CACNB2: variants seen among roughly 807,000 people sequenced by gnomAD.
CACNB2 encodes the protein voltage-dependent L-type calcium channel subunit beta-2.
In CACNB2, 42 loss-of-function variants were observed where a neutral mutation model predicts 73.3. The ratio of observed to expected loss-of-function variants is 0.57; its 90% CI spans 0.45 to 0.74. The LOEUF is 0.74. Among genes scored for constraint, CACNB2 ranks in the 30% least tolerant of loss-of-function variants. CACNB2 has a pLI of 0.00. For missense variants in CACNB2, 940 were observed against 853.0 expected (o/e 1.10, Z -1.27); for synonymous variants, 348 against 310.3 (o/e 1.12, Z -1.28).
At chr10:18,519,836 T>C in intron 9 of CACNB2, 1 of 421,988 alleles carries the variant, frequency 2.4e-6, no homozygotes, top group South Asian at 1.7e-5. Context: ...ACCCATGACC[T>C]TCACATTGCT....
At chr10:18,292,476 T>G (rs948203068) in intron 2 of CACNB2, among the ~76,000 whole-genome samples, 1 of 152,064 alleles carries the variant, frequency 6.6e-6, no homozygotes, top group South Asian at 2.1e-4. Flanking sequence ...GCCAATATGG[T>G]AAAACCCCGT....
intron 2 of CACNB2, among the ~76,000 whole-genome samples, chr10:18,246,449 C>T (rs1004501393): frequency 3.9e-5 from 6 of 152,154 alleles, no homozygotes; most frequent in Admixed American, 3.3e-4. Context: ...TCCTCTGTTA[C>T]ATAAATGAGG....
At chr10:18,523,809 AATC>A (rs1434343908) in intron 9 of CACNB2, among the ~76,000 whole-genome samples, 1 of 152,256 alleles carries the variant, frequency 6.6e-6, no homozygotes, top group Non-Finnish European at 1.5e-5. Flanking sequence ...ATTATTCCTT[AATC>A]ATCTATTAAA....
chr10:18,463,584 GTTTTT>G (rs869153577), intron 3 of CACNB2, among the ~76,000 whole-genome samples: 1 of 93,284 alleles, frequency 1.1e-5, no homozygotes, highest in Non-Finnish European at 2.9e-5. Context: ...CCTGCTAGTT[GTTTTT>G]TTTTTGTTGT....
In CACNB2 at chr10:18,534,246, G is replaced by C; in HGVS notation, c.1206+19G>C. 1 of 1,600,456 alleles carries C rather than the reference G, an allele frequency of 6.2e-7. No individual in the cohort carries two copies. The highest frequency in any genetic ancestry group is 8.6e-7 in the Non-Finnish European group (1 of 1,167,674). ...TCCTAAGGTAAGTAGGACTGCTACTGTTTGCTCTATAATCAAACTTTCCTA... is the reference window on the plus strand; with the variant it reads ...TCCTAAGGTAAGTAGGACTGCTACTCTTTGCTCTATAATCAAACTTTCCTA... On this transcript the variant is annotated intron_variant, in intron 11 of 13. Coordinates refer to ENST00000324631, the MANE Select transcript of CACNB2 (RefSeq NM_201596.3).
intron 2 of CACNB2, among the ~76,000 whole-genome samples, chr10:18,217,216 G>A (rs573466242): frequency 2.0e-5 from 3 of 152,240 alleles, no homozygotes; most frequent in South Asian, 2.1e-4. Context: ...GTGCAAGCTG[G>A]CTCACACCTG....
chr10:18,216,471 G>A (rs923045689), intron 2 of CACNB2, among the ~76,000 whole-genome samples: 15 of 151,972 alleles, frequency 9.9e-5, no homozygotes, highest in Admixed American at 5.9e-4. Flanking sequence ...TATTATGAGT[G>A]GACATATCCC....
In CACNB2 at chr10:18,388,008, C is replaced by T. The variant is rs554779700; in HGVS notation, c.214-13916C>T. 1.7e-4 allele frequency among the ~76,000 whole-genome samples: 26 copies of T among 152,270 alleles called. No homozygotes were observed. In the South Asian group the frequency reaches 1.9e-3, roughly 11 times the overall value. On this transcript the variant is annotated intron_variant, in intron 2 of 13. Coordinates refer to ENST00000324631, the MANE Select transcript of CACNB2 (RefSeq NM_201596.3). ...CCGAGCTCAAGCAATCCTCCTGCCT[C>T]GGCCTCCCAATATGCTGGGATTATA...
intron 4 of CACNB2, among the ~76,000 whole-genome samples, chr10:18,499,118 T>G (rs915374184): frequency 7.9e-5 from 12 of 152,216 alleles, no homozygotes; most frequent in Admixed American, 5.2e-4. Context: ...AATGCCTGCC[T>G]TGTGGAGCAC....
At position 18,402,009 on chromosome 10, in the gene CACNB2, A is replaced by G. The variant is rs762313820; in HGVS notation, c.299A>G (p.Glu100Gly). 2 of 1,614,006 alleles carry G rather than the reference A, an allele frequency of 1.2e-6. No individual in the cohort carries two copies. ...CGGGAGGCAGTGCGCAGAGAAGCGG[A>G]GCGGCAGGCCCAGGCACAGTTGGAA... The part of the protein sequence containing the change: ...EDREAVRREA[E>G]RQAQAQLEKA... The change falls in exon 3 of 14, where the codon GAG becomes GGG. Residue 100 changes from glutamate to glycine, a missense_variant. By Grantham distance (98) the Glu-to-Gly change is moderately conservative (BLOSUM62 -2). Transcript: ENST00000324631.
rs1338090221 is a variant in CACNB2 at position 18,268,289 on chromosome 10, C to A, written c.213+117314C>A. 2.6e-5 allele frequency among the ~76,000 whole-genome samples: 4 copies of A among 152,204 alleles called. No homozygotes were observed. The South Asian group carries it at 6.2e-4, about 24-fold the overall frequency. On this transcript the variant is annotated intron_variant, in intron 2 of 13. Transcript: ENST00000324631. ...GTTAGAAATGTACAGAGGAATTGAA[C>A]CTTTCATCTCTGTTCTCAGAAAAGT...
chr10:18,481,215 TATATATATATATA>T (rs2048729192), intron 3 of CACNB2, among the ~76,000 whole-genome samples: 2 of 13,280 alleles, frequency 1.5e-4, no homozygotes, highest in Non-Finnish European at 1.5e-4. Flanking sequence ...TATATATATA[TATATATATATATA>T]TATTTTTTTT....
At chr10:18,382,813 A>G (rs567956433) in intron 2 of CACNB2, among the ~76,000 whole-genome samples, 172 of 152,166 alleles carry the variant, frequency 1.1e-3, no homozygotes, top group African/African-American at 3.7e-3. Flanking sequence ...GGTTGATTCC[A>G]TGTCTCTCCT....
chr10:18,149,233 G>C (rs1393567366), intron 1 of CACNB2, among the ~76,000 whole-genome samples: 1 of 151,904 alleles, frequency 6.6e-6, no homozygotes, highest in African/African-American at 2.4e-5. Flanking sequence ...GCCTTCTTAG[G>C]CCTTAGAAAA....
chr10:18,248,379 TAAA>T (rs1056308947), intron 2 of CACNB2, among the ~76,000 whole-genome samples: 2 of 152,238 alleles, frequency 1.3e-5, no homozygotes, highest in African/African-American at 4.8e-5. Flanking sequence ...GTCTAATAAT[TAAA>T]AAGTAATTGG....
At chr10:18,210,080 C>T (rs558080125) in intron 2 of CACNB2, among the ~76,000 whole-genome samples, 54 of 152,266 alleles carry the variant, frequency 3.5e-4, no homozygotes, top group African/African-American at 1.3e-3. Context: ...GAGGGAATGT[C>T]ATATCCCCGT....
At chr10:18,159,688 A>G (rs1406829886) in intron 2 of CACNB2, among the ~76,000 whole-genome samples, 5 of 152,238 alleles carry the variant, frequency 3.3e-5, no homozygotes, top group Middle Eastern at 3.2e-3. Context: ...ACAGAGGCAC[A>G]CAGTCTATTT....
intron 2 of CACNB2, among the ~76,000 whole-genome samples, chr10:18,285,709 C>T (rs1449077153): frequency 6.6e-6 from 1 of 152,222 alleles, no homozygotes; most frequent in Non-Finnish European, 1.5e-5. Context: ...TCTTAAATAT[C>T]AGCAAGCTTT....
chr10:18,239,514 T>C (rs2036570008), intron 2 of CACNB2, among the ~76,000 whole-genome samples: 1 of 152,222 alleles, frequency 6.6e-6, no homozygotes, highest in Non-Finnish European at 1.5e-5. Context: ...GGTGTGCGTA[T>C]ATGTGTGCAT....
Sources: allele counts gnomAD v4.1 joint callset (sites outside exome capture counted in the v4.1 genomes callset), GRCh38; gene constraint gnomAD v4.1.1; transcripts MANE v1.5; gene names NCBI Gene and HGNC (gene_info 2026-07-23, HGNC 2026-07-21).